Variants in CNTNAP4 observed in about 807,000 individuals in gnomAD.
The protein encoded by CNTNAP4 is contactin associated protein family member 4.
CNTNAP4 carries 98 observed loss-of-function variants against 148.4 expected under a neutral mutation model. That is an observed-to-expected ratio of 0.66 (90% confidence interval 0.56 to 0.78). The LOEUF is 0.78. CNTNAP4 is among the 30% of genes least tolerant of loss of function. CNTNAP4 has a pLI of 0.00. For synonymous variants in CNTNAP4, 730 were observed against 565.1 expected (o/e 1.29, Z -4.14); for missense variants, 1,935 against 1,565.6 (o/e 1.24, Z -3.98).
chr16:76,311,608 C>T (rs1961121006), intron 1 of CNTNAP4, among the ~76,000 whole-genome samples: 1 of 152,074 alleles, frequency 6.6e-6, no homozygotes, highest in Non-Finnish European at 1.5e-5. Context: ...TGTGGAAATT[C>T]TAATATGACT....
chr16:76,434,940 AT>A (rs2079762468), intron 4 of CNTNAP4, among the ~76,000 whole-genome samples: 1 of 152,138 alleles, frequency 6.6e-6, no homozygotes, highest in Non-Finnish European at 1.5e-5. Context: ...CACCACAATG[AT>A]GTTTTAGGTC....
At chr16:76,382,930 T>C (rs1477155008) in intron 3 of CNTNAP4, among the ~76,000 whole-genome samples, 1 of 152,170 alleles carries the variant, frequency 6.6e-6, no homozygotes, top group Non-Finnish European at 1.5e-5. Context: ...AGAATTTCAC[T>C]GGCCAAATGA....
intron 17 of CNTNAP4, among the ~76,000 whole-genome samples, chr16:76,525,790 A>G (rs1023355782): frequency 1.4e-5 from 2 of 147,542 alleles, no homozygotes; most frequent in Admixed American, 6.8e-5. Flanking sequence ...TAGTTAAACT[A>G]GTTAAACTAG....
chr16:76,433,491 T>A (rs1329268944), intron 4 of CNTNAP4, among the ~76,000 whole-genome samples: 1 of 152,168 alleles, frequency 6.6e-6, no homozygotes, highest in Non-Finnish European at 1.5e-5. Context: ...TCCAATTTTT[T>A]TACATAATAA....
chr16:76,321,362 T>C (rs1056387889), intron 2 of CNTNAP4, among the ~76,000 whole-genome samples: 1 of 152,242 alleles, frequency 6.6e-6, no homozygotes, highest in East Asian at 1.9e-4. Flanking sequence ...ACAACTATTA[T>C]GCTTCATTAA....
chr16:76,302,934 G>A (rs137976454), intron 1 of CNTNAP4, among the ~76,000 whole-genome samples: 1 of 152,118 alleles, frequency 6.6e-6, no homozygotes, highest in Admixed American at 6.6e-5. Context: ...TAATAGTGAT[G>A]GGTCCCTGGT....
At chr16:76,350,629 A>T (rs1355368060) in intron 2 of CNTNAP4, among the ~76,000 whole-genome samples, 1 of 152,226 alleles carries the variant, frequency 6.6e-6, no homozygotes, top group Non-Finnish European at 1.5e-5. Flanking sequence ...CTGTGATCAT[A>T]ACTCTCTTTG....
chr16:76,290,125 A>G (rs1171622434), intron 1 of CNTNAP4, among the ~76,000 whole-genome samples: 1 of 152,090 alleles, frequency 6.6e-6, no homozygotes, highest in Admixed American at 6.6e-5. Context: ...TTATTCTCAC[A>G]CAGGCCTGTG....
chr16:76,430,103 A>G (rs1282628150), intron 4 of CNTNAP4, among the ~76,000 whole-genome samples: 1 of 152,192 alleles, frequency 6.6e-6, no homozygotes, highest in Non-Finnish European at 1.5e-5. Context: ...CAATTACACC[A>G]TAGTCATGCT....
intron 2 of CNTNAP4, among the ~76,000 whole-genome samples, chr16:76,324,101 G>A (rs2098260705): frequency 6.6e-6 from 1 of 152,098 alleles, no homozygotes; most frequent in Admixed American, 6.6e-5. Context: ...GAAGGTGAGG[G>A]GAGTACCTTA....
chr16:76,372,174 C>G (rs1255316531), intron 3 of CNTNAP4, among the ~76,000 whole-genome samples: 3 of 141,288 alleles, frequency 2.1e-5, no homozygotes, highest in Non-Finnish European at 3.0e-5. Flanking sequence ...GAGTCCCACT[C>G]TGTTGCCCAG....
At chr16:76,483,556 C>A (rs547183659) in intron 12 of CNTNAP4, among the ~76,000 whole-genome samples, 2 of 152,242 alleles carry the variant, frequency 1.3e-5, no homozygotes, top group Non-Finnish European at 2.9e-5. Context: ...ATCTAACATA[C>A]GTGTTTTCTT....
intron 4 of CNTNAP4, among the ~76,000 whole-genome samples, chr16:76,442,051 G>C (rs1436511377): frequency 1.3e-5 from 2 of 152,156 alleles, no homozygotes; most frequent in East Asian, 3.9e-4. Flanking sequence ...GCGCTTTGCA[G>C]ATGTCATTAA....
chr16:76,523,233 C>A (rs2083564570), intron 17 of CNTNAP4, among the ~76,000 whole-genome samples: 1 of 117,422 alleles, frequency 8.5e-6, no homozygotes, highest in Non-Finnish European at 1.7e-5. Flanking sequence ...TTGAACACTC[C>A]CCCGGCCCCC....
At chr16:76,472,060 A>G (rs1196800042) in intron 10 of CNTNAP4, among the ~76,000 whole-genome samples, 1 of 152,126 alleles carries the variant, frequency 6.6e-6, no homozygotes, top group Non-Finnish European at 1.5e-5. Context: ...TGATGTAAGC[A>G]TTTGTTCAAG....
intron 15 of CNTNAP4, among the ~76,000 whole-genome samples, chr16:76,500,831 T>C (rs1048770020): frequency 3.9e-5 from 6 of 152,030 alleles, no homozygotes; most frequent in African/African-American, 1.5e-4. Flanking sequence ...TATTCATTTA[T>C]AGATTGTTAA....
chr16:76,314,978 T>C (rs1961551087), intron 1 of CNTNAP4, among the ~76,000 whole-genome samples: 1 of 152,234 alleles, frequency 6.6e-6, no homozygotes, highest in African/African-American at 2.4e-5. Flanking sequence ...CTTTGCTTTT[T>C]AAGATTCTCA....
At chr16:76,332,127 TTCTTTG>T (rs1446814330) in intron 2 of CNTNAP4, among the ~76,000 whole-genome samples, 1 of 152,248 alleles carries the variant, frequency 6.6e-6, no homozygotes, top group Non-Finnish European at 1.5e-5. Flanking sequence ...TTAAGATTTT[TTCTTTG>T]TCTTTGACTT....
chr16:76,350,950 T>A (rs997625223), intron 2 of CNTNAP4, among the ~76,000 whole-genome samples: 2 of 152,122 alleles, frequency 1.3e-5, no homozygotes, highest in African/African-American at 4.8e-5. Flanking sequence ...AAAGGAAACC[T>A]GCAGTATGGG....
Sources: gnomAD v4.1 joint callset for allele counts (sites outside exome capture counted in the v4.1 genomes callset) on GRCh38, gnomAD v4.1.1 for gene constraint, MANE v1.5 for transcripts, NCBI Gene and HGNC (gene_info 2026-07-23, HGNC 2026-07-21) for gene names.